The following GREM2 variants were observed in gnomAD, a reference collection of about 807,000 sequenced individuals.
GREM2 encodes gremlin 2, DAN family BMP antagonist, also known as gremlin-2.
Under a neutral mutation model 14.2 loss-of-function variants are expected in GREM2, and 11 were observed. That is an observed-to-expected ratio of 0.78 (90% CI 0.49 to 1.28). The LOEUF is 1.28. GREM2 is among the 50% of genes most tolerant of loss of function. GREM2 has a pLI of 0.00. For synonymous variants in GREM2, 98 were observed against 97.6 expected (o/e 1.00, Z -0.02); for missense variants, 210 against 218.5 (o/e 0.96, Z 0.24).
At chr1:240,611,183 G>T (rs922724605) in intron 1 of GREM2, among the ~76,000 whole-genome samples, 8 of 151,882 alleles carry the variant, frequency 5.3e-5, no homozygotes, top group African/African-American at 1.7e-4. Context: ...TCCAATTCAT[G>T]ACTTTTTAAT....
intron 1 of GREM2, among the ~76,000 whole-genome samples, chr1:240,585,753 A>G (rs111301392): frequency 0.021 from 3,061 of 148,378 alleles, 86 homozygotes; most frequent in African/African-American, 0.056. Flanking sequence ...AAAAAAAAAA[A>G]AAAGAGAAAG....
chr1:240,600,422 G>A (rs1162767450), intron 1 of GREM2, among the ~76,000 whole-genome samples: 1 of 152,100 alleles, frequency 6.6e-6, no homozygotes, highest in Non-Finnish European at 1.5e-5. Flanking sequence ...AGGTACCTAT[G>A]TGTCCATGTC....
At chr1:240,500,968 G>T (rs1376713944) in intron 1 of GREM2, among the ~76,000 whole-genome samples, 1 of 152,086 alleles carries the variant, frequency 6.6e-6, no homozygotes, top group Non-Finnish European at 1.5e-5. Context: ...CCTTTCCCCT[G>T]GGTAATATGT....
chr1:240,575,048 A>G (rs1679334290), intron 1 of GREM2, among the ~76,000 whole-genome samples: 1 of 152,098 alleles, frequency 6.6e-6, no homozygotes, highest in Admixed American at 6.5e-5. Context: ...CGGAGGCTGC[A>G]GTGAGCCAAG....
intron 1 of GREM2, among the ~76,000 whole-genome samples, chr1:240,587,599 G>A (rs1679622877): frequency 6.6e-6 from 1 of 152,134 alleles, no homozygotes; most frequent in Admixed American, 6.5e-5. Flanking sequence ...TAGGATTATA[G>A]GTGTGAGCTA....
At chr1:240,584,464 C>T (rs1016470841) in intron 1 of GREM2, among the ~76,000 whole-genome samples, 3 of 141,190 alleles carry the variant, frequency 2.1e-5, no homozygotes, top group Non-Finnish European at 3.0e-5. Flanking sequence ...CACTGGACTC[C>T]AGCCTGGGTG....
intron 1 of GREM2, among the ~76,000 whole-genome samples, chr1:240,589,702 C>T (rs1679670451): frequency 6.6e-6 from 1 of 152,180 alleles, no homozygotes; most frequent in South Asian, 2.1e-4. Flanking sequence ...TGCCACCTAG[C>T]TGAACTTGAG....
chr1:240,502,175 C>T (rs538108154), intron 1 of GREM2, among the ~76,000 whole-genome samples: 3 of 152,032 alleles, frequency 2.0e-5, no homozygotes, highest in Non-Finnish European at 4.4e-5. Flanking sequence ...ATTCAAGAGG[C>T]CTGTCTAAAA....
chr1:240,564,946 G>C (rs973371856), intron 1 of GREM2, among the ~76,000 whole-genome samples: 2 of 152,270 alleles, frequency 1.3e-5, no homozygotes, highest in African/African-American at 4.8e-5. Context: ...CAGCCTTCCA[G>C]GACTGGAACC....
In GREM2 at chr1:240,531,714, CTTTT is replaced by C. The variant is rs11353211; in HGVS notation, c.-1-38242_-1-38239del. 1,311 of 920,002 alleles carry C rather than the reference CTTTT, an allele frequency of 1.4e-3. 4 individuals are homozygous for C. Among genetic ancestry groups the C allele is most frequent in the Middle Eastern group, 7.7e-3 (14 of 1,828 alleles). The allele number at this position is 920,002 out of a possible 1,614,324, so 57.0% of individuals were successfully genotyped here. On this transcript the variant is annotated intron_variant, in intron 1 of 1. Coordinates refer to ENST00000318160, the MANE Select transcript of GREM2 (RefSeq NM_022469.4). ...TTTCTTTTCTTTTCTTTTTCTTCTT[CTTTT>C]TTTTTTTTTGAGACAGTTTTGCTCT...
intron 1 of GREM2, among the ~76,000 whole-genome samples, chr1:240,564,889 T>G (rs1375110523): frequency 6.6e-6 from 1 of 152,214 alleles, no homozygotes; most frequent in Non-Finnish European, 1.5e-5. Flanking sequence ...TTCTTTGGGT[T>G]GAGTATGATG....
intron 1 of GREM2, among the ~76,000 whole-genome samples, chr1:240,553,396 G>A (rs1472015956): frequency 6.6e-6 from 1 of 152,148 alleles, no homozygotes; most frequent in Non-Finnish European, 1.5e-5. Context: ...CACTCCCTAA[G>A]AGTCAAGTTA....
At chr1:240,591,520 A>G (rs532698061) in intron 1 of GREM2, among the ~76,000 whole-genome samples, 7 of 152,290 alleles carry the variant, frequency 4.6e-5, no homozygotes, top group Middle Eastern at 3.4e-3. Flanking sequence ...CACTCATGTT[A>G]GTCGACGCTC....
At chr1:240,511,444 T>A (rs866831594) in intron 1 of GREM2, among the ~76,000 whole-genome samples, 2 of 152,210 alleles carry the variant, frequency 1.3e-5, no homozygotes, top group African/African-American at 4.8e-5. Context: ...AGAATATCCA[T>A]AGGCCTTTTA....
intron 1 of GREM2, among the ~76,000 whole-genome samples, chr1:240,575,418 T>C (rs549620707): frequency 6.6e-6 from 1 of 152,306 alleles, no homozygotes; most frequent in South Asian, 2.1e-4. Flanking sequence ...GGTGTCACTA[T>C]GTAAGGGTAA....
intron 1 of GREM2, among the ~76,000 whole-genome samples, chr1:240,509,101 T>G (rs955467790): frequency 1.1e-4 from 16 of 152,236 alleles, no homozygotes; most frequent in African/African-American, 3.9e-4. Context: ...AGAGGACTTC[T>G]TTAATGATTT....
chr1:240,587,212 G>A (rs1031794359), intron 1 of GREM2, among the ~76,000 whole-genome samples: 1 of 151,982 alleles, frequency 6.6e-6, no homozygotes, highest in Admixed American at 6.6e-5. Flanking sequence ...AACACACACT[G>A]TCTATATAAA....
chr1:240,560,982 A>C (rs1440026867), intron 1 of GREM2, among the ~76,000 whole-genome samples: 1 of 152,172 alleles, frequency 6.6e-6, no homozygotes, highest in Non-Finnish European at 1.5e-5. Context: ...CCCAACCCCT[A>C]GTGATATATC....
At chr1:240,573,060 ATT>A (rs1679289268) in intron 1 of GREM2, among the ~76,000 whole-genome samples, 1 of 152,212 alleles carries the variant, frequency 6.6e-6, no homozygotes, top group African/African-American at 2.4e-5. Flanking sequence ...TTCCACTCAA[ATT>A]TTAAGTGAGA....
Sources: allele counts gnomAD v4.1 joint callset (sites outside exome capture counted in the v4.1 genomes callset), GRCh38; gene constraint gnomAD v4.1.1; transcripts MANE v1.5; gene names NCBI Gene and HGNC (gene_info 2026-07-23, HGNC 2026-07-21).